MYL12B: variants seen among roughly 807,000 people sequenced by gnomAD.
MYL12B encodes myosin regulatory light chain 12B.
Under a neutral mutation model 12.9 loss-of-function variants are expected in MYL12B, and 3 were observed. The ratio of observed to expected loss-of-function variants is 0.23; its 90% CI spans 0.11 to 0.60. MYL12B has a LOEUF of 0.60. Ranked by LOEUF, MYL12B falls within the 20% of genes least tolerant of loss-of-function variation. The pLI is 0.89. For missense variants in MYL12B, 120 were observed against 215.4 expected (o/e 0.56, Z 2.77); for synonymous variants, 57 against 71.9 (o/e 0.79, Z 1.05).
intron 1 of MYL12B, among the ~76,000 whole-genome samples, chr18:3,270,736 T>A (rs990119613): frequency 1.3e-5 from 2 of 152,212 alleles, no homozygotes; most frequent in African/African-American, 4.8e-5. Flanking sequence ...GGGGCACCAT[T>A]ACGGTTCACC....
chr18:3,277,694 A>G lies in MYL12B; in HGVS notation c.347-71A>G, dbSNP rs529093069. 2.6e-6 allele frequency: 4 copies of G among 1,513,004 alleles called. No homozygotes were observed. In the Admixed American group the frequency reaches 7.2e-5, roughly 27 times the overall value. The allele number at this position is 1,513,004 out of a possible 1,614,324, so 93.7% of individuals were successfully genotyped here. On this transcript the variant is annotated intron_variant, in intron 3 of 3. Transcript: ENST00000237500. ...TCTGAAATATTTTATACGATTGACA[A>G]GCTTTAGGAATGAACCATCAAAGTG... is the stretch of plus-strand genomic sequence containing the variant.
intron 1 of MYL12B, among the ~76,000 whole-genome samples, chr18:3,264,890 G>T (rs2081624725): frequency 6.6e-6 from 1 of 152,184 alleles, no homozygotes. Flanking sequence ...TAATGGGGGT[G>T]ATGGTTACAT....
At chr18:3,274,301 G>A (rs1396714463) in intron 2 of MYL12B, among the ~76,000 whole-genome samples, 1 of 152,236 alleles carries the variant, frequency 6.6e-6, no homozygotes, top group Non-Finnish European at 1.5e-5. Flanking sequence ...ATGCTCAATA[G>A]ATATTTGTTG....
chr18:3,275,341 C>T (rs9303928), intron 2 of MYL12B, among the ~76,000 whole-genome samples: 145,582 of 152,058 alleles, frequency 0.96, 69,754 homozygotes, highest in Non-Finnish European at 0.98. Flanking sequence ...AGAGTGGGAA[C>T]TGTTAATAGA....
chr18:3,263,882 C>T (rs976350333), intron 1 of MYL12B, among the ~76,000 whole-genome samples: 1 of 152,212 alleles, frequency 6.6e-6, no homozygotes, highest in Non-Finnish European at 1.5e-5. Flanking sequence ...GAGTACAGAT[C>T]CTGACTGAGC....
chr18:3,278,241 T>C lies in MYL12B; in HGVS notation c.*304T>C, dbSNP rs542972682. On this transcript the variant is annotated 3_prime_UTR_variant, in exon 4 of 4. Transcript: ENST00000237500. Reference sequence around the variant, plus strand: ...TTTTTACATTTTTATATAATAAAAATGTTATTTTGAAATAAAGATTATGCT... The same window carrying C: ...TTTTTACATTTTTATATAATAAAAACGTTATTTTGAAATAAAGATTATGCT... 1 of 219,986 alleles carries C rather than the reference T, an allele frequency of 4.5e-6. No homozygotes were observed. The highest frequency in any genetic ancestry group is 9.3e-5 in the South Asian group (1 of 10,720). The allele number at this position is 219,986 out of a possible 1,614,324, so 13.6% of individuals were successfully genotyped here.
At chr18:3,268,083 G>A (rs2081648085) in intron 1 of MYL12B, among the ~76,000 whole-genome samples, 1 of 152,164 alleles carries the variant, frequency 6.6e-6, no homozygotes, top group Non-Finnish European at 1.5e-5. Flanking sequence ...GATATGGAGG[G>A]CTAACTGTAT....
rs1029074982 is a variant in MYL12B, at chr18:3,278,393, A to G, written c.*456A>G. ...AATTGATTTTTCACATATATGGGAC[A>G]GTGTTCTTCAGAACTTTTAAGTACC... On this transcript the variant is annotated 3_prime_UTR_variant, in exon 4 of 4. Coordinates refer to ENST00000237500, the MANE Select transcript of MYL12B (RefSeq NM_033546.4). 1 of 156,142 alleles carries G rather than the reference A, an allele frequency of 6.4e-6. No homozygotes were observed. Among genetic ancestry groups the G allele is most frequent in the Non-Finnish European group, 1.4e-5 (1 of 70,814 alleles). The allele number at this position is 156,142 out of a possible 1,614,324, so 9.7% of individuals were successfully genotyped here.
chr18:3,263,976 C>G (rs980263920), intron 1 of MYL12B, among the ~76,000 whole-genome samples: 1 of 152,112 alleles, frequency 6.6e-6, no homozygotes, highest in Admixed American at 6.5e-5. Flanking sequence ...GATAACAATA[C>G]CTATATGATG....
chr18:3,265,341 C>G lies in MYL12B; in HGVS notation c.-16+3104C>G, dbSNP rs1785245. Among the ~76,000 whole-genome samples the G allele has an allele frequency of 2.2e-3, 340 of 152,282 alleles. 1 individual carries two copies. Among genetic ancestry groups the G allele is most frequent in the African/African-American group, 7.8e-3 (326 of 41,554 alleles). On this transcript the variant is annotated intron_variant, in intron 1 of 3. Transcript: ENST00000237500. ...TTATATATCCAGTCATTTGAGTCTT[C>G]CAGTTAGAACATTCAACTTGACTAC...
chr18:3,277,110 T>A, intron 2 of MYL12B, 143 bp from the exon 3 acceptor site: 1 of 1,249,244 alleles, frequency 8.0e-7, no homozygotes, highest in South Asian at 2.7e-5. Context: ...AAATAATCTT[T>A]TTAAAATGTT....
At chr18:3,262,830 T>C (rs913432886) in intron 1 of MYL12B, 1 of 152,286 alleles carries the variant, frequency 6.6e-6, no homozygotes. Flanking sequence ...ATGTGATGAT[T>C]TACATAGAGT....
chr18:3,262,267 C>T (rs1222370107), intron 1 of MYL12B, 30 bp downstream of exon 1: 1 of 149,670 alleles, frequency 6.7e-6, no homozygotes, highest in Admixed American at 6.7e-5. Flanking sequence ...GCTCGCGAGA[C>T]CCCTCGGGCC....
At chr18:3,267,519 TACATA>T (rs2081643165) in intron 1 of MYL12B, among the ~76,000 whole-genome samples, 1 of 152,198 alleles carries the variant, frequency 6.6e-6, no homozygotes, top group Non-Finnish European at 1.5e-5. Flanking sequence ...CCACCTATAA[TACATA>T]ATACAGTAGT....
At chr18:3,265,837 T>C (rs2081630306) in intron 1 of MYL12B, among the ~76,000 whole-genome samples, 1 of 151,786 alleles carries the variant, frequency 6.6e-6, no homozygotes, top group Non-Finnish European at 1.5e-5. Flanking sequence ...GGTGGGAATG[T>C]TGAGGAAGGG....
intron 1 of MYL12B, chr18:3,271,987 C>A (rs1567991097): frequency 3.4e-6 from 3 of 895,284 alleles, no homozygotes; most frequent in Non-Finnish European, 1.3e-6. Flanking sequence ...CCTCAGAGTT[C>A]AAGATCAGAC....
In MYL12B at chr18:3,278,019, TG is replaced by T. The variant is rs1219108778; in HGVS notation, c.*83del. 49 of 1,503,908 alleles carry T rather than the reference TG, an allele frequency of 3.3e-5. No homozygotes were observed. The East Asian group carries it at 1.2e-3, about 36-fold the overall frequency. 93.2% of individuals were successfully genotyped at this position (1,503,908 alleles called of 1,614,324 possible). On this transcript the variant is annotated 3_prime_UTR_variant, in exon 4 of 4. Transcript: ENST00000237500. ...ACACTTCCCCCACCCTCATAGAACCTGTTGCATGCAACTTAGTTTCACAGCT... is the reference window on the plus strand; with the variant it reads ...ACACTTCCCCCACCCTCATAGAACCTTTGCATGCAACTTAGTTTCACAGCT...
At chr18:3,267,543 A>G (rs1247052602) in intron 1 of MYL12B, among the ~76,000 whole-genome samples, 1 of 152,142 alleles carries the variant, frequency 6.6e-6, no homozygotes, top group African/African-American at 2.4e-5. Context: ...GTCCTATATG[A>G]TGCTTCTTTC....
At position 3,273,072 on chromosome 18, in the gene MYL12B, T is replaced by C. The variant is rs373679161; in HGVS notation, c.174T>C (p.Leu58=). 6.9e-6 allele frequency: 11 copies of C among 1,604,276 alleles called. No homozygotes were observed. Among genetic ancestry groups the C allele is most frequent in the Non-Finnish European group, 9.4e-6 (11 of 1,175,130 alleles). ...FIDKEDLHDM[L]ASLGKNPTDA... is the part of the protein sequence containing the mutation. The stretch of plus-strand genomic sequence containing the variant: ...ACAAGGAAGATTTGCATGATATGCT[T>C]GCTTCTCTAGGTAGACTTTATATTC... The change falls in exon 2 of 4, where the codon CTT becomes CTC. Residue 58 remains leucine (L), a synonymous_variant. Transcript: ENST00000237500.
Sources: allele counts gnomAD v4.1 joint callset (sites outside exome capture counted in the v4.1 genomes callset), GRCh38; gene constraint gnomAD v4.1.1; transcripts MANE v1.5; gene names NCBI Gene and HGNC (gene_info 2026-07-23, HGNC 2026-07-21).